CATSPER3: variants seen among roughly 807,000 people sequenced by gnomAD.
The protein encoded by CATSPER3 is cation channel sperm-associated protein 3.
A neutral mutation model predicts 36.6 loss-of-function variants in CATSPER3; 23 were observed. That is an observed-to-expected ratio of 0.63 (90% CI 0.45 to 0.89). The LOEUF is 0.89. Among genes scored for constraint, CATSPER3 ranks in the 40% least tolerant of loss-of-function variants. The pLI, the probability that CATSPER3 is intolerant of heterozygous loss-of-function variation, is 0.00. For synonymous variants in CATSPER3, 172 were observed against 184.1 expected (o/e 0.93, Z 0.53); for missense variants, 474 against 503.9 (o/e 0.94, Z 0.57).
intron 2 of CATSPER3, among the ~76,000 whole-genome samples, chr5:134,985,394 C>CAT (rs1037186348): frequency 9.9e-5 from 15 of 152,052 alleles, no homozygotes; most frequent in Non-Finnish European, 2.9e-5. Flanking sequence ...CAAAGGCAAA[C>CAT]AGAGTGGTAT....
At chr5:134,987,558 C>T (rs1216516669) in intron 2 of CATSPER3, among the ~76,000 whole-genome samples, 2 of 152,070 alleles carry the variant, frequency 1.3e-5, no homozygotes, top group Non-Finnish European at 2.9e-5. Flanking sequence ...CAAAAATTGT[C>T]ATTGAGAGAG....
chr5:135,005,880 CAA>C (rs1476266338), intron 3 of CATSPER3, among the ~76,000 whole-genome samples: 2 of 152,238 alleles, frequency 1.3e-5, no homozygotes, highest in Non-Finnish European at 2.9e-5. Flanking sequence ...TCCACACATC[CAA>C]TGGGCTGTGT....
chr5:135,000,380 T>C (rs1206201765), intron 3 of CATSPER3, among the ~76,000 whole-genome samples: 1 of 152,250 alleles, frequency 6.6e-6, no homozygotes, highest in Non-Finnish European at 1.5e-5. Context: ...TCTAAAATTC[T>C]CTTTTTTTGT....
chr5:135,002,243 A>T (rs1752029185), intron 3 of CATSPER3, among the ~76,000 whole-genome samples: 1 of 152,226 alleles, frequency 6.6e-6, no homozygotes, highest in Non-Finnish European at 1.5e-5. Flanking sequence ...GCTGGATATG[A>T]AATTCTGGGT....
At chr5:135,003,210 G>A (rs1040448888) in intron 3 of CATSPER3, among the ~76,000 whole-genome samples, 2 of 152,192 alleles carry the variant, frequency 1.3e-5, no homozygotes, top group African/African-American at 2.4e-5. Flanking sequence ...GAGTTTGCTG[G>A]AGGTCCACTC....
chr5:134,970,138 C>A lies in CATSPER3; in HGVS notation c.252+46C>A, dbSNP rs747866528. On this transcript the variant is annotated intron_variant, in intron 2 of 7. Coordinates refer to ENST00000282611, the MANE Select transcript of CATSPER3 (RefSeq NM_178019.3). ...CATTTTCTTCTTTTTTTAAAACATG[C>A]TTTATTTCTGGAAACATTATAAGAT... 20 of 1,561,968 alleles carry A rather than the reference C, an allele frequency of 1.3e-5. No individual in the cohort carries two copies. In the South Asian group the frequency reaches 2.1e-4, roughly 17 times the overall value.
chr5:134,996,226 G>T, intron 2 of CATSPER3, 47 bp from the exon 3 acceptor site: 1 of 1,613,808 alleles, frequency 6.2e-7, no homozygotes, highest in Non-Finnish European at 8.5e-7. Flanking sequence ...AGAGCTCTAG[G>T]GCTGTGCAGC....
intron 2 of CATSPER3, chr5:134,995,692 G>A (rs1751936749): frequency 5.8e-6 from 1 of 172,856 alleles, no homozygotes; most frequent in Admixed American, 5.4e-5. Context: ...TTGCATGATA[G>A]TCAAGATAAG....
chr5:134,999,004 A>G (rs1314487805), intron 3 of CATSPER3, among the ~76,000 whole-genome samples: 1 of 152,166 alleles, frequency 6.6e-6, no homozygotes, highest in African/African-American at 2.4e-5. Context: ...TATGTCCTGA[A>G]TGGTATTGCC....
intron 2 of CATSPER3, among the ~76,000 whole-genome samples, chr5:134,981,063 T>C (rs991807211): frequency 6.6e-6 from 1 of 152,146 alleles, no homozygotes; most frequent in African/African-American, 2.4e-5. Context: ...CTTTTTATTT[T>C]TCCTTTTTCT....
intron 7 of CATSPER3, 138 bp downstream of exon 7, chr5:135,010,668 G>A: frequency 2.5e-6 from 2 of 793,876 alleles, no homozygotes; most frequent in Non-Finnish European, 4.3e-6. Flanking sequence ...CTTTCTTGGG[G>A]TTACAGGATT....
intron 3 of CATSPER3, among the ~76,000 whole-genome samples, chr5:135,006,624 C>G (rs1420536744): frequency 1.3e-5 from 2 of 151,920 alleles, no homozygotes; most frequent in South Asian, 2.1e-4. Context: ...ATCACGAGGT[C>G]GGGAGATCGA....
In CATSPER3 at chr5:134,992,021, C is replaced by T. The variant is rs1298336611; in HGVS notation, c.253-4252C>T. ...CCTATGGTCCCAGCTACTTGGGAGG[C>T]TGAGGTGTGAGGATCGCTTGAGCCT... is the stretch of plus-strand genomic sequence containing the variant. On this transcript the variant is annotated intron_variant, in intron 2 of 7. Coordinates refer to ENST00000282611, the MANE Select transcript of CATSPER3 (RefSeq NM_178019.3). 4.6e-5 allele frequency among the ~76,000 whole-genome samples: 7 copies of T among 151,466 alleles called. No homozygotes were observed. In the East Asian group the frequency reaches 1.4e-3, roughly 29 times the overall value.
intron 3 of CATSPER3, among the ~76,000 whole-genome samples, chr5:134,999,174 C>G (rs1454701493): frequency 2.0e-5 from 3 of 151,920 alleles, no homozygotes; most frequent in African/African-American, 7.3e-5. Context: ...ATAGGGAATC[C>G]TTTCCCCATT....
chr5:134,968,757 G>A (rs1176494160), intron 1 of CATSPER3: 1 of 151,698 alleles, frequency 6.6e-6, no homozygotes, highest in Non-Finnish European at 1.5e-5. Context: ...TTATGAGAAT[G>A]TGTTCATTTC....
chr5:135,007,346 C>G (rs1192818195), intron 3 of CATSPER3, among the ~76,000 whole-genome samples: 1 of 152,190 alleles, frequency 6.6e-6, no homozygotes, highest in East Asian at 1.9e-4. Flanking sequence ...ATGCAAGACT[C>G]CAGAGCAGGA....
In CATSPER3 at chr5:135,008,977, C is replaced by G; in HGVS notation, c.812C>G (p.Thr271Arg). 1 of 1,614,046 alleles carries G rather than the reference C, an allele frequency of 6.2e-7. No homozygotes were observed. Among genetic ancestry groups the G allele is most frequent in the Non-Finnish European group, 8.5e-7 (1 of 1,180,002 alleles). Residue 271 changes from threonine to arginine, a missense_variant, in exon 5 of 8, where the codon ACA becomes AGA. Thr to Arg is a moderately conservative substitution (Grantham distance 71). Transcript: ENST00000282611. ...NMFVGVMIMH[T>R]EDSIRKFERE... ...TTCGTGGGTGTGATGATCATGCACA[C>G]AGAGGTGAGGCCACACCTGTGAGGA... is the stretch of plus-strand genomic sequence containing the variant.
At chr5:134,978,743 A>C (rs1216294203) in intron 2 of CATSPER3, among the ~76,000 whole-genome samples, 1 of 150,952 alleles carries the variant, frequency 6.6e-6, no homozygotes, top group Admixed American at 6.6e-5. Flanking sequence ...TTTTTGAGAC[A>C]GAGTCTTGCT....
intron 2 of CATSPER3, among the ~76,000 whole-genome samples, chr5:134,990,404 A>G (rs1260515989): frequency 6.6e-6 from 1 of 152,192 alleles, no homozygotes. Context: ...TGAGTTTCTA[A>G]TTAGCGTCTC....
Sources: allele counts gnomAD v4.1 joint callset (sites outside exome capture counted in the v4.1 genomes callset), GRCh38; gene constraint gnomAD v4.1.1; transcripts MANE v1.5; gene names NCBI Gene and HGNC (gene_info 2026-07-23, HGNC 2026-07-21).